The following PRSS53 variants were observed in gnomAD, a reference collection of about 807,000 sequenced individuals.
PRSS53 encodes serine protease 53.
In PRSS53, 54 loss-of-function variants were observed where a neutral mutation model predicts 62.7. The ratio of observed to expected loss-of-function variants is 0.86; its 90% confidence interval spans 0.69 to 1.08. The LOEUF is 1.08. Among genes scored for constraint, PRSS53 ranks in the 50% least tolerant of loss-of-function variants. The pLI, the probability that PRSS53 is intolerant of heterozygous loss-of-function variation, is 0.00. For synonymous variants in PRSS53, 273 were observed against 300.0 expected, an observed-to-expected ratio of 0.91 and a Z score of 0.93; for missense variants, 688 against 728.3, an observed-to-expected ratio of 0.94 and a Z score of 0.64.
chr16:31,086,906 G>C lies in PRSS53; in HGVS notation c.243-8C>G. The C allele has an allele frequency of 6.3e-7, 1 of 1,582,676 alleles. No homozygotes were observed. Among genetic ancestry groups the C allele is most frequent in the Non-Finnish European group, 8.6e-7 (1 of 1,163,672 alleles). ...AGTTCTGTTGCTGCTGCCCTGGAAG[G>C]GGAAGGACAAGGTCCAGGCTGCTGA... On this transcript the variant is annotated splice_region_variant and splice_polypyrimidine_tract_variant and intron_variant, in intron 3 of 10. Coordinates refer to ENST00000280606, the Ensembl canonical transcript of PRSS53.
rs769294794 is a variant in PRSS53 at position 31,084,586 on chromosome 16, C to T, written c.1397G>A (p.Ser466Asn). The change falls in exon 9 of 11, where the codon AGT (serine) becomes AAT (asparagine). Residue 466 changes from serine to asparagine, a missense_variant. Coordinates refer to ENST00000280606, the Ensembl canonical transcript of PRSS53. ...ACAGCTGGGCAGCTCACCCACAGCA[C>T]TGGTACACACCATCCCCGGCAGAAT... 5.6e-6 allele frequency: 9 copies of T among 1,606,852 alleles called. No homozygotes were observed. In the Admixed American group the frequency reaches 1.5e-4, roughly 27 times the overall value.
At chr16:31,087,764 C>T in intron 2 of PRSS53, 42 bp downstream of exon 2, 1 of 1,614,152 alleles carries the variant, frequency 6.2e-7, no homozygotes, top group African/African-American at 1.3e-5. Context: ...AGTCCCAACC[C>T]AGACCCAAGT....
At chr16:31,086,778 G>T (rs2057238904) in exon 4 of PRSS53, 1 of 1,613,198 alleles carries the variant, frequency 6.2e-7, no homozygotes, top group Admixed American at 1.7e-5. Flanking sequence ...GGCTGTAGTG[G>T]TTATAGGCCC....
rs1411627736 is a variant in PRSS53 at position 31,086,651 on chromosome 16, C to A, written c.490G>T (p.Asp164Tyr). ...CACTTACCATCACTGGTGTCCTGAT[C>A]CCAGCCAGTGGCCCAGCAGGAGGCT... The change falls in exon 4 of 11, where the codon GAT becomes TAT. Residue 164 changes from aspartate (D) to tyrosine (Y), a missense_variant. Coordinates refer to ENST00000280606, the Ensembl canonical transcript of PRSS53. 2.6e-6 allele frequency: 4 copies of A among 1,540,008 alleles called. No homozygotes were observed. The African/African-American group carries it at 4.1e-5, about 16-fold the overall frequency.
At chr16:31,088,575 C>G in intron 1 of PRSS53, 177 bp downstream of exon 1, 1 of 1,438,896 alleles carries the variant, frequency 6.9e-7, no homozygotes, top group Non-Finnish European at 9.1e-7. Context: ...AAAATCTCAT[C>G]CATGTTGACA....
chr16:31,084,721 G>A lies in PRSS53; in HGVS notation c.1280-18C>T, dbSNP rs559980823. 1.9e-6 allele frequency: 3 copies of A among 1,605,886 alleles called. No homozygotes were observed. Among genetic ancestry groups the A allele is most frequent in the African/African-American group, 2.7e-5 (2 of 74,928 alleles). The stretch of plus-strand genomic sequence containing the variant: ...GCTGATGCCTGTGGAGCAAGGGAAA[G>A]CTGGCTGCCCCGGCCTGCAGGTTGG... On this transcript the variant is annotated intron_variant, in intron 8 of 10. Coordinates refer to ENST00000280606, the Ensembl canonical transcript of PRSS53.
At chr16:31,085,213 G>A (rs2057220016) in exon 7 of PRSS53, 1 of 1,604,572 alleles carries the variant, frequency 6.2e-7, no homozygotes, top group Non-Finnish European at 8.5e-7. Context: ...CAGGGCCATG[G>A]GGAGGGTGCT....
chr16:31,083,966 C>T (rs1406218422), intron 10 of PRSS53, 153 bp downstream of exon 10: 12 of 1,502,904 alleles, frequency 8.0e-6, no homozygotes, highest in East Asian at 2.5e-5. Flanking sequence ...CCAAGTCACA[C>T]GATGACAAAG....
exon 11 of PRSS53, chr16:31,083,544 A>G (rs1348074777): frequency 7.0e-7 from 1 of 1,425,586 alleles, no homozygotes; most frequent in Non-Finnish European, 9.2e-7. Flanking sequence ...TGAAAGGGTA[A>G]AGGAGGAGGA....
At chr16:31,088,713 C>CA (rs751827723) in intron 1 of PRSS53, 39 bp downstream of exon 1, 8 of 1,611,894 alleles carry the variant, frequency 5.0e-6, no homozygotes, top group Non-Finnish European at 5.1e-6. Context: ...CCTGAGCCCC[C>CA]ACCAGGCCAC....
rs1230116009 is a variant in PRSS53, at chr16:31,084,764, C to A, written c.1279+16G>T. 3.2e-6 allele frequency: 5 copies of A among 1,575,804 alleles called. No individual in the cohort carries two copies. Among genetic ancestry groups the A allele is most frequent in the Non-Finnish European group, 4.3e-6 (5 of 1,158,368 alleles). On this transcript the variant is annotated intron_variant, in intron 8 of 10. Coordinates refer to ENST00000280606, the Ensembl canonical transcript of PRSS53. ...CAGGTTGGATGGACAGCAGCCCTGG[C>A]CCTGTGCCCACCTACCTGCTCCTGG...
rs546131882 is a variant in PRSS53 at position 31,088,511 on chromosome 16, TCACA to T, written c.58+237_58+240del. The T allele has an allele frequency of 3.6e-6, 5 of 1,399,324 alleles. No individual in the cohort carries two copies. The Admixed American group carries it at 1.5e-4, about 41-fold the overall frequency. The allele number at this position is 1,399,324 out of a possible 1,614,324, so 86.7% of individuals were successfully genotyped here. A position where few individuals can be genotyped will look rare whatever the true frequency, so the allele number is the denominator to read the frequency against. On this transcript the variant is annotated intron_variant, in intron 1 of 10. Transcript: ENST00000280606. The stretch of plus-strand genomic sequence containing the variant: ...GCACAGGACACACGCAGGCAGCACC[TCACA>T]CACACACAAGACCACAGGCCCCGCC...
In PRSS53 at chr16:31,084,962, T is replaced by C. The variant is rs1197847274; in HGVS notation, c.1097A>G (p.Lys366Arg). The change falls in exon 8 of 11, where the codon AAG becomes AGG. Residue 366 changes from lysine to arginine, a missense_variant. Coordinates refer to ENST00000280606, the Ensembl canonical transcript of PRSS53. Reference sequence around the variant, plus strand: ...GTAGGCTCCATGCAGGATGAGCTGCTTCAGGCCCCACTCCTCCGGTCTGGT... The same window carrying C: ...GTAGGCTCCATGCAGGATGAGCTGCCTCAGGCCCCACTCCTCCGGTCTGGT... The C allele has an allele frequency of 1.9e-6, 3 of 1,557,674 alleles. No individual in the cohort carries two copies. In the South Asian group the frequency reaches 3.6e-5, roughly 19 times the overall value.
At chr16:31,086,094 C>T (rs188768784) in exon 6 of PRSS53, 1 of 1,613,776 alleles carries the variant, frequency 6.2e-7, no homozygotes, top group African/African-American at 1.3e-5. Flanking sequence ...GAGCGTCCTC[C>T]TGGGCACAGC....
Position 31,088,820 on chromosome 16 carries a change from G to A in PRSS53, c.-11C>T, listed in dbSNP as rs1374397846. 4.3e-6 allele frequency: 7 copies of A among 1,613,294 alleles called. No homozygotes were observed. The South Asian group carries it at 6.6e-5, about 15-fold the overall frequency. ...CCAGCACCACTTCATGCTGCCCCGG[G>A]CCACTCTGCCACCTGTGCTCCACTC... On this transcript the variant is annotated 5_prime_UTR_variant, in exon 1 of 11. Transcript: ENST00000280606.
intron 6 of PRSS53, 80 bp from the exon 7 acceptor site, chr16:31,085,340 A>G (rs527364077): frequency 7.0e-7 from 1 of 1,428,774 alleles, no homozygotes; most frequent in South Asian, 1.5e-5. Flanking sequence ...AGCTTTTGAA[A>G]TTGAATTTTG....
chr16:31,086,268 CTG>C, intron 5 of PRSS53, 67 bp downstream of exon 5: 2 of 1,584,548 alleles, frequency 1.3e-6, no homozygotes, highest in Non-Finnish European at 1.7e-6. Context: ...TCCCCCAGTC[CTG>C]TGAGTCCAAC....
In PRSS53 at chr16:31,088,735, A is replaced by AG; in HGVS notation, c.58+16dup. On this transcript the variant is annotated intron_variant, in intron 1 of 10. Coordinates refer to ENST00000280606, the Ensembl canonical transcript of PRSS53. ...CCCCACCAGGCCACACCCATACCCC[A>AG]GCACATGGCGGCTTACCCTCCATGA... 6.2e-7 allele frequency: 1 copy of AG among 1,612,976 alleles called. No individual in the cohort carries two copies.
chr16:31,088,681 G>T lies in PRSS53; in HGVS notation c.58+71C>A, dbSNP rs185473558. On this transcript the variant is annotated intron_variant, in intron 1 of 10. Transcript: ENST00000280606. ...GGCGGTCCCCCCACCAAGAAGCAGG[G>T]ACTGCTGGGGCAGAGATGGCCCCTG... is the stretch of plus-strand genomic sequence containing the variant. 4 of 1,604,424 alleles carry T rather than the reference G, an allele frequency of 2.5e-6. No homozygotes were observed. In the East Asian group the frequency reaches 6.7e-5, roughly 27 times the overall value.
Sources: allele counts gnomAD v4.1 joint callset, GRCh38; gene constraint gnomAD v4.1.1; transcripts MANE v1.5; gene names NCBI Gene and HGNC (gene_info 2026-07-23, HGNC 2026-07-21).